Variants in FRMPD4 observed in about 807,000 individuals in gnomAD.
FRMPD4 encodes the protein FERM and PDZ domain containing 4.
Under a neutral mutation model 94.1 loss-of-function variants are expected in FRMPD4, and 22 were observed. The ratio of observed to expected loss-of-function variants is 0.23; its 90% CI spans 0.17 to 0.33. FRMPD4 has a LOEUF of 0.33. FRMPD4 is among the 10% of genes least tolerant of loss of function. FRMPD4 has a pLI of 1.00. For missense variants in FRMPD4, 1,111 were observed against 1,339.9 expected (o/e 0.83, Z 2.67); for synonymous variants, 631 against 548.6 (o/e 1.15, Z -2.10).
chrX:12,277,045 C>T (rs765894241), intron 1 of FRMPD4, among the ~76,000 whole-genome samples: 1 of 99,078 alleles, frequency 1.0e-5, no homozygotes, highest in South Asian at 5.0e-4. Context: ...GGCGTGAACC[C>T]GGGAGGCGGA....
chrX:12,300,636 G>A (rs926951666), intron 1 of FRMPD4, among the ~76,000 whole-genome samples: 1 of 112,101 alleles, frequency 8.9e-6, no homozygotes, highest in Admixed American at 9.4e-5. Flanking sequence ...GTTTGAGATA[G>A]GTGCAAGGTA....
rs2057553323 is a variant in FRMPD4, at chrX:12,473,828, A to G, written c.42-24852A>G. Among the ~76,000 whole-genome samples the G allele has an allele frequency of 6.4e-5, 7 of 110,045 alleles. No homozygotes were observed. In the South Asian group the frequency reaches 2.6e-3, roughly 41 times the overall value. Reference sequence around the variant, plus strand: ...AGATTCATAAAGCAAGTCCTTAGAGACCTACAAAGAGACTTAGACTCCCAC... The same window carrying G: ...AGATTCATAAAGCAAGTCCTTAGAGGCCTACAAAGAGACTTAGACTCCCAC... On this transcript the variant is annotated intron_variant, in intron 1 of 16. Transcript: ENST00000675598.
intron 1 of FRMPD4, among the ~76,000 whole-genome samples, chrX:12,152,760 A>T (rs2055873306): frequency 9.0e-6 from 1 of 111,087 alleles, no homozygotes; most frequent in African/African-American, 3.3e-5. Flanking sequence ...AAGCTGGAAG[A>T]TCGTATCATT....
chrX:12,436,984 GT>G (rs2057074658), intron 1 of FRMPD4, among the ~76,000 whole-genome samples: 1 of 111,938 alleles, frequency 8.9e-6, no homozygotes, highest in East Asian at 2.8e-4. Flanking sequence ...TAGTACATGA[GT>G]TTAACTGATT....
chrX:12,558,299 G>A (rs760474655), intron 2 of FRMPD4, among the ~76,000 whole-genome samples: 63 of 112,718 alleles, frequency 5.6e-4, no homozygotes, highest in African/African-American at 1.9e-3. Flanking sequence ...GAAACAATGA[G>A]GGTACATTAT....
At chrX:12,130,036 G>A (rs1449627445) in intron 3 of FRMPD4, among the ~76,000 whole-genome samples, 2 of 109,286 alleles carry the variant, frequency 1.8e-5, no homozygotes, top group Non-Finnish European at 1.9e-5. Context: ...AATTAGGCAT[G>A]CATTCAGCTG....
intron 1 of FRMPD4, among the ~76,000 whole-genome samples, chrX:12,468,572 G>A (rs969065297): frequency 1.8e-5 from 2 of 111,847 alleles, no homozygotes; most frequent in Non-Finnish European, 1.9e-5. Context: ...TTACAGAAAG[G>A]AAACTTCATT....
intron 4 of FRMPD4, among the ~76,000 whole-genome samples, chrX:12,630,417 A>G (rs1248038809): frequency 8.9e-6 from 1 of 112,388 alleles, no homozygotes; most frequent in East Asian, 2.8e-4. Context: ...TTTAGCCCAC[A>G]GGCCTTGTTT....
chrX:12,279,110 C>T (rs762962391), intron 1 of FRMPD4, among the ~76,000 whole-genome samples: 1 of 113,047 alleles, frequency 8.8e-6, no homozygotes, highest in Non-Finnish European at 1.9e-5. Context: ...TGCCTTAGGG[C>T]CTGCTTTTGG....
At chrX:12,466,159 G>C (rs2057447061) in intron 1 of FRMPD4, among the ~76,000 whole-genome samples, 1 of 112,091 alleles carries the variant, frequency 8.9e-6, no homozygotes, top group Non-Finnish European at 1.9e-5. Context: ...AATGGTAAAA[G>C]TGTATTTCCA....
At chrX:12,094,734 C>T (rs760267062) in intron 3 of FRMPD4, among the ~76,000 whole-genome samples, 12 of 112,215 alleles carry the variant, frequency 1.1e-4, no homozygotes, top group Non-Finnish European at 2.1e-4. Flanking sequence ...CAGACATGAC[C>T]GACATGCTCA....
At chrX:12,445,739 G>A (rs1277996987) in intron 1 of FRMPD4, among the ~76,000 whole-genome samples, 1 of 112,515 alleles carries the variant, frequency 8.9e-6, no homozygotes, top group Non-Finnish European at 1.9e-5. Flanking sequence ...GAATAAATAT[G>A]AATTTTGAGC....
In FRMPD4 at chrX:12,206,239, A is replaced by G. The variant is rs974050832; in HGVS notation, c.41+67227A>G. On this transcript the variant is annotated intron_variant, in intron 1 of 16. Coordinates refer to ENST00000675598, the MANE Select transcript of FRMPD4 (RefSeq NM_001368397.1). ...TTCAGTAATGTGGTTTAAAAACACTAAGCAAAGGGCCTAGTATTGCATAGG... is the reference window on the plus strand; with the variant it reads ...TTCAGTAATGTGGTTTAAAAACACTGAGCAAAGGGCCTAGTATTGCATAGG... Among the ~76,000 whole-genome samples, 24 of 112,548 alleles carry G rather than the reference A, an allele frequency of 2.1e-4. No individual in the cohort carries two copies. The Admixed American group carries it at 2.2e-3, about 11-fold the overall frequency.
intron 4 of FRMPD4, among the ~76,000 whole-genome samples, chrX:12,656,016 A>G (rs1300697011): frequency 8.9e-6 from 1 of 112,219 alleles, no homozygotes; most frequent in Non-Finnish European, 1.9e-5. Context: ...ATTCTTCTCC[A>G]ACTCCTCCTT....
chrX:12,574,570 G>A (rs770841223), intron 2 of FRMPD4, among the ~76,000 whole-genome samples: 19 of 110,440 alleles, frequency 1.7e-4, no homozygotes, highest in Middle Eastern at 4.6e-3. Flanking sequence ...TGATCTCGGC[G>A]CACTGCAACC....
chrX:12,133,574 G>A (rs1377707711), upstream of FRMPD4, among the ~76,000 whole-genome samples: 2 of 111,720 alleles, frequency 1.8e-5, no homozygotes, highest in Non-Finnish European at 3.8e-5. Context: ...ACAGGCGTGA[G>A]CCACCACGCC....
intron 3 of FRMPD4, among the ~76,000 whole-genome samples, chrX:12,039,967 C>CAAAAAAAAAAA (rs367795862): frequency 2.5e-4 from 8 of 31,929 alleles, no homozygotes; most frequent in South Asian, 1.6e-3. Context: ...AAAACTTTGT[C>CAAAAAAAAAAA]AAAAAAAAAA....
chrX:12,513,899 G>A (rs2058069659), intron 2 of FRMPD4, among the ~76,000 whole-genome samples: 1 of 111,743 alleles, frequency 8.9e-6, no homozygotes, highest in Admixed American at 9.5e-5. Context: ...TCTTTGAGCA[G>A]TGGTTTCTAG....
intron 1 of FRMPD4, among the ~76,000 whole-genome samples, chrX:12,382,937 G>A (rs1601880583): frequency 8.9e-6 from 1 of 112,193 alleles, no homozygotes; most frequent in African/African-American, 3.2e-5. Flanking sequence ...CTCGGAAAAC[G>A]TTTGTTGGAT....
Sources: allele counts gnomAD v4.1 joint callset (sites outside exome capture counted in the v4.1 genomes callset), GRCh38; gene constraint gnomAD v4.1.1; transcripts MANE v1.5; gene names NCBI Gene and HGNC (gene_info 2026-07-23, HGNC 2026-07-21).